CCDC170: variants seen among roughly 807,000 people sequenced by gnomAD.
CCDC170 encodes the protein coiled-coil domain containing 170.
Under a neutral mutation model 72.6 loss-of-function variants are expected in CCDC170, and 69 were observed. The ratio of observed to expected loss-of-function variants is 0.95; its 90% CI spans 0.78 to 1.16. CCDC170 has a LOEUF of 1.16. CCDC170 is among the 50% of genes most tolerant of loss of function. The pLI is 0.00. For synonymous variants in CCDC170, 300 were observed against 303.9 expected (o/e 0.99, Z 0.13); for missense variants, 852 against 832.5 (o/e 1.02, Z -0.29).
chr6:151,496,800 G>A (rs1014238796), intron 1 of CCDC170, among the ~76,000 whole-genome samples: 4 of 152,178 alleles, frequency 2.6e-5, no homozygotes, highest in South Asian at 4.1e-4. Flanking sequence ...AACAATTAAT[G>A]TATCAGCATT....
Position 151,525,444 on chromosome 6 carries a change from C to T in CCDC170, c.58-10874C>T, listed in dbSNP as rs139316303. ...ACCATTGTGATTTGTTCCTGCCCCA[C>T]CCTAACTGATCAATTGACCTTATGA... On this transcript the variant is annotated intron_variant, in intron 1 of 10. Transcript: ENST00000239374. Among the ~76,000 whole-genome samples, 1,296 of 152,276 alleles carry T rather than the reference C, an allele frequency of 8.5e-3. 20 individuals carry two copies. Among genetic ancestry groups the T allele is most frequent in the African/African-American group, 0.03 (1,228 of 41,542 alleles).
chr6:151,546,799 C>G (rs1170481254), intron 4 of CCDC170, among the ~76,000 whole-genome samples: 1 of 152,190 alleles, frequency 6.6e-6, no homozygotes, highest in Admixed American at 6.5e-5. Context: ...TGGTGCTTCC[C>G]CATTGCCCTG....
At chr6:151,525,996 A>G (rs1223346579) in intron 1 of CCDC170, among the ~76,000 whole-genome samples, 1 of 152,086 alleles carries the variant, frequency 6.6e-6, no homozygotes, top group African/African-American at 2.4e-5. Flanking sequence ...TCCCTCCATT[A>G]AGCATACTTT....
At chr6:151,604,024 T>A (rs977129392) in intron 9 of CCDC170, among the ~76,000 whole-genome samples, 2 of 152,120 alleles carry the variant, frequency 1.3e-5, no homozygotes, top group African/African-American at 4.8e-5. Context: ...GGCCCAACCT[T>A]AGTAAGGAGC....
rs1206624111 is a variant in CCDC170, at chr6:151,593,147, TG to T, written c.1336del (p.Asp446ThrfsTer17). On this transcript the variant is annotated frameshift_variant, in exon 8 of 11. Coordinates refer to ENST00000239374, the MANE Select transcript of CCDC170 (RefSeq NM_025059.4). LOFTEE classifies it high-confidence loss of function. ...FLDQLSQKMK[L>X]DQMAAELGFD... Reference sequence around the variant, plus strand: ...GATCAGCTTTCTCAGAAAATGAAGTTGGACCAGATGGCTGCCGAACTTGGCT... The same window carrying T: ...GATCAGCTTTCTCAGAAAATGAAGTTGACCAGATGGCTGCCGAACTTGGCT... 3.0e-5 allele frequency: 49 copies of T among 1,614,224 alleles called. No homozygotes were observed. The highest frequency in any genetic ancestry group is 4.2e-5 in the Non-Finnish European group (49 of 1,180,032).
chr6:151,596,439 G>T lies in CCDC170; in HGVS notation c.1572G>T (p.Leu524Phe). The T allele has an allele frequency of 6.2e-7, 1 of 1,614,136 alleles. No individual in the cohort carries two copies. The highest frequency in any genetic ancestry group is 1.1e-5 in the South Asian group (1 of 91,084). ...AGGAGAAGCAGGCACGCACGGCCTTGGTGGTTGAGAGGGACAACGCGCATC... is the reference window on the plus strand; with the variant it reads ...AGGAGAAGCAGGCACGCACGGCCTTTGTGGTTGAGAGGGACAACGCGCATC... Reference protein sequence around the residue: ...LEEEKQARTALVVERDNAHLT... With the variant: ...LEEEKQARTAFVVERDNAHLT... The change falls in exon 9 of 11, where the codon TTG becomes TTT. Residue 524 changes from leucine to phenylalanine, a missense_variant. Coordinates refer to ENST00000239374, the MANE Select transcript of CCDC170 (RefSeq NM_025059.4).
chr6:151,510,526 C>T (rs1044620536), intron 1 of CCDC170, among the ~76,000 whole-genome samples: 2 of 151,984 alleles, frequency 1.3e-5, no homozygotes, highest in South Asian at 2.1e-4. Flanking sequence ...CCATAATGTA[C>T]GTCTGCCATG....
intron 6 of CCDC170, among the ~76,000 whole-genome samples, chr6:151,584,029 G>T (rs1327697140): frequency 1.3e-5 from 2 of 152,196 alleles, no homozygotes; most frequent in African/African-American, 4.8e-5. Flanking sequence ...GAAAATGTTT[G>T]AAATATTGCT....
chr6:151,541,144 C>T (rs982680638), intron 3 of CCDC170, among the ~76,000 whole-genome samples: 3 of 152,060 alleles, frequency 2.0e-5, no homozygotes, highest in Admixed American at 6.6e-5. Context: ...AAGGCTCTTC[C>T]CCCAGATATC....
intron 3 of CCDC170, among the ~76,000 whole-genome samples, chr6:151,539,035 G>A (rs542910964): frequency 5.6e-4 from 86 of 152,220 alleles, no homozygotes; most frequent in East Asian, 4.1e-3. Context: ...GCTGAGGTGG[G>A]CAGATCACTT....
chr6:151,536,086 T>G (rs1457490763), intron 1 of CCDC170, among the ~76,000 whole-genome samples: 1 of 152,096 alleles, frequency 6.6e-6, no homozygotes, highest in Non-Finnish European at 1.5e-5. Flanking sequence ...ATGACAAACC[T>G]CATCACCATC....
chr6:151,525,841 G>A (rs1354944675), intron 1 of CCDC170, among the ~76,000 whole-genome samples: 1 of 152,200 alleles, frequency 6.6e-6, no homozygotes, highest in Non-Finnish European at 1.5e-5. Context: ...AAGTAGGACT[G>A]TGGGTCACAG....
intron 5 of CCDC170, among the ~76,000 whole-genome samples, chr6:151,569,209 C>A (rs1776184004): frequency 6.6e-6 from 1 of 152,066 alleles, no homozygotes; most frequent in Admixed American, 6.6e-5. Context: ...AATCATTGTA[C>A]TTTTGAGTGG....
At chr6:151,524,929 C>CTTTTTTTTTT (rs34288029) in intron 1 of CCDC170, among the ~76,000 whole-genome samples, 2 of 110,042 alleles carry the variant, frequency 1.8e-5, no homozygotes, top group African/African-American at 3.7e-5. Context: ...TAGTCTGATT[C>CTTTTTTTTTT]TTTTTTTTTT....
chr6:151,552,482 C>T (rs1782896124), intron 5 of CCDC170, among the ~76,000 whole-genome samples: 3 of 152,154 alleles, frequency 2.0e-5, no homozygotes, highest in Non-Finnish European at 1.5e-5. Flanking sequence ...TTCCTCCCAT[C>T]TATTAGGCAG....
chr6:151,596,133 C>A (rs73780811), intron 8 of CCDC170, among the ~76,000 whole-genome samples: 12,295 of 152,064 alleles, frequency 0.081, 543 homozygotes, highest in African/African-American at 0.11. Context: ...GCTCTTTTGT[C>A]TCAGATTTTA....
chr6:151,574,658 T>C (rs145600072), intron 6 of CCDC170, among the ~76,000 whole-genome samples: 1 of 152,248 alleles, frequency 6.6e-6, no homozygotes, highest in African/African-American at 2.4e-5. Context: ...TAGCCTCTTG[T>C]CATTTTGGGT....
intron 9 of CCDC170, among the ~76,000 whole-genome samples, chr6:151,604,841 A>G (rs1776760584): frequency 6.6e-6 from 1 of 152,224 alleles, no homozygotes; most frequent in Non-Finnish European, 1.5e-5. Flanking sequence ...TAATGAACAA[A>G]TCAAGGTAAT....
At chr6:151,548,613 T>A in intron 5 of CCDC170, 124 bp downstream of exon 5, 1 of 834,776 alleles carries the variant, frequency 1.2e-6, no homozygotes, top group African/African-American at 1.7e-5. Flanking sequence ...ATCACAATTT[T>A]AAGAGCCTGC....
Sources: gnomAD v4.1 joint callset for allele counts (sites outside exome capture counted in the v4.1 genomes callset) on GRCh38, gnomAD v4.1.1 for gene constraint, MANE v1.5 for transcripts, NCBI Gene and HGNC (gene_info 2026-07-23, HGNC 2026-07-21) for gene names.